The following TANGO6 variants were observed in gnomAD, a reference collection of about 807,000 sequenced individuals.
The protein encoded by TANGO6 is transport and Golgi organization protein 6 homolog.
A neutral mutation model predicts 114.2 loss-of-function variants in TANGO6; 90 were observed. That is an observed-to-expected ratio of 0.79 (90% CI 0.66 to 0.94). The LOEUF is 0.94. Among genes scored for constraint, TANGO6 ranks in the 40% least tolerant of loss-of-function variants. TANGO6 has a pLI of 0.00. For missense variants in TANGO6, 1,274 were observed against 1,315.3 expected (o/e 0.97, Z 0.49); for synonymous variants, 477 against 509.8 (o/e 0.94, Z 0.87).
chr16:68,853,195 T>C (rs903651379), intron 1 of TANGO6, among the ~76,000 whole-genome samples: 9 of 151,630 alleles, frequency 5.9e-5, no homozygotes, highest in African/African-American at 2.2e-4. Context: ...TGAGAATCAC[T>C]TGAACCCAGG....
At chr16:68,942,755 G>C (rs1354574692) in intron 14 of TANGO6, among the ~76,000 whole-genome samples, 1 of 152,164 alleles carries the variant, frequency 6.6e-6, no homozygotes, top group African/African-American at 2.4e-5. Flanking sequence ...AGTTGAAGGA[G>C]AGAGTTATCA....
Position 68,843,547 on chromosome 16 carries a change from C to T in TANGO6, c.-71C>T. 9 of 1,489,706 alleles carry T rather than the reference C, an allele frequency of 6.0e-6. No individual in the cohort carries two copies. Among genetic ancestry groups the T allele is most frequent in the Non-Finnish European group, 7.4e-6 (8 of 1,078,822 alleles). The allele number at this position is 1,489,706 out of a possible 1,614,324, so 92.3% of individuals were successfully genotyped here. A position where few individuals can be genotyped will look rare whatever the true frequency, so the allele number is the denominator to read the frequency against. On this transcript the variant is annotated 5_prime_UTR_variant, in exon 1 of 18. Transcript: ENST00000261778. ...AGTGTGCCCAGAGCCTTCTGCCACA[C>T]TTAACATGGCGGCGGCGGCGCCCTG...
At chr16:68,862,030 T>A (rs75022910) in intron 2 of TANGO6, among the ~76,000 whole-genome samples, 21,119 of 151,754 alleles carry the variant, frequency 0.14, 2,088 homozygotes, top group African/African-American at 0.28. Flanking sequence ...TTAATTTTTT[T>A]TTTATTTTTA....
At chr16:68,939,618 T>C (rs1216495664) in intron 14 of TANGO6, among the ~76,000 whole-genome samples, 1 of 151,750 alleles carries the variant, frequency 6.6e-6, no homozygotes, top group East Asian at 1.9e-4. Context: ...GGATATTTTA[T>C]TCTAGGAAAC....
chr16:68,920,612 T>C (rs1735134823), intron 12 of TANGO6, among the ~76,000 whole-genome samples: 1 of 152,066 alleles, frequency 6.6e-6, no homozygotes, highest in Non-Finnish European at 1.5e-5. Flanking sequence ...TAGCAATGAG[T>C]AGGATACCCT....
chr16:68,867,372 G>GT, intron 4 of TANGO6, 152 bp downstream of exon 4: 4 of 894,842 alleles, frequency 4.5e-6, no homozygotes, highest in Non-Finnish European at 5.1e-6. Flanking sequence ...CTTAGAGGCC[G>GT]TTAATGAGCT....
chr16:68,953,827 A>G (rs533331337), intron 14 of TANGO6, among the ~76,000 whole-genome samples: 1 of 152,298 alleles, frequency 6.6e-6, no homozygotes, highest in East Asian at 1.9e-4. Context: ...AAACCATGAA[A>G]TTAAGATGTA....
At position 68,862,972 on chromosome 16, in the gene TANGO6, T is replaced by C. The variant is rs2152158856; in HGVS notation, c.763T>C (p.Ser255Pro). The C allele has an allele frequency of 6.3e-7, 1 of 1,598,762 alleles. No homozygotes were observed. Among genetic ancestry groups the C allele is most frequent in the Non-Finnish European group, 8.5e-7 (1 of 1,172,766 alleles). The change falls in exon 3 of 18, where the codon TCC becomes CCC. Residue 255 changes from serine to proline, a missense_variant. By Grantham distance (74) the Ser-to-Pro change is moderately conservative. This residue lies in a region of TANGO6 where 908 missense variants were observed against 910.2 expected (regional missense o/e 1.00). Transcript: ENST00000261778. ...TCTAACTGAAGAGGAGAGAACCCTATCCAGGGGGGCCTTGAGAGACATGCT... is the reference window on the plus strand; with the variant it reads ...TCTAACTGAAGAGGAGAGAACCCTACCCAGGGGGGCCTTGAGAGACATGCT... ...EVLTEEERTL[S>P]RGALRDMLDQ...
intron 17 of TANGO6, among the ~76,000 whole-genome samples, chr16:69,054,940 C>CAAAAA (rs35840863): frequency 4.4e-5 from 3 of 68,926 alleles, no homozygotes; most frequent in African/African-American, 1.2e-4. Context: ...GACTCCGTCT[C>CAAAAA]AAAAAAAAAA....
intron 1 of TANGO6, 53 bp from the exon 2 acceptor site, chr16:68,859,831 A>G (rs889598933): frequency 7.3e-5 from 109 of 1,495,230 alleles, no homozygotes; most frequent in Admixed American, 9.8e-5. Context: ...CACAGGGGGA[A>G]GTGCAGCTTG....
chr16:69,070,066 C>T (rs1960274041), intron 17 of TANGO6, among the ~76,000 whole-genome samples: 2 of 141,382 alleles, frequency 1.4e-5, no homozygotes, highest in South Asian at 4.5e-4. Flanking sequence ...AAAAAAAAAG[C>T]TAGGTGTGGC....
chr16:69,022,719 A>T (rs1959428572), intron 15 of TANGO6, 109 bp from the exon 16 acceptor site: 1 of 1,285,840 alleles, frequency 7.8e-7, no homozygotes. Context: ...AAAAATAAAA[A>T]CAAAAAGAAT....
intron 15 of TANGO6, among the ~76,000 whole-genome samples, chr16:69,018,139 C>CTTTCTTTTTTT (rs1959335225): frequency 1.4e-4 from 11 of 77,078 alleles, no homozygotes; most frequent in African/African-American, 5.1e-4. Context: ...TTGGAAATCT[C>CTTTCTTTTTTT]TTTTTTTTTT....
chr16:68,876,672 T>C (rs373255215), intron 5 of TANGO6, among the ~76,000 whole-genome samples: 4 of 151,902 alleles, frequency 2.6e-5, no homozygotes, highest in African/African-American at 7.2e-5. Flanking sequence ...AATACAAAAA[T>C]TGGCCAAGCG....
chr16:69,062,047 G>C (rs901719110), intron 17 of TANGO6, among the ~76,000 whole-genome samples: 2 of 151,984 alleles, frequency 1.3e-5, no homozygotes, highest in Non-Finnish European at 2.9e-5. Context: ...AATGCATTTC[G>C]GTAGCCTGTG....
At chr16:68,922,708 T>C (rs1449845687) in intron 12 of TANGO6, among the ~76,000 whole-genome samples, 2 of 152,164 alleles carry the variant, frequency 1.3e-5, no homozygotes, top group Non-Finnish European at 1.5e-5. Context: ...GTATTGTCCA[T>C]TGGTCTCTAA....
At chr16:68,996,155 AG>A (rs1963987553) in intron 15 of TANGO6, among the ~76,000 whole-genome samples, 1 of 152,200 alleles carries the variant, frequency 6.6e-6, no homozygotes, top group South Asian at 2.1e-4. Context: ...CCAGAGCTGC[AG>A]GGGAAATTCA....
chr16:68,864,174 CA>C (rs11393218), intron 3 of TANGO6, among the ~76,000 whole-genome samples: 111 of 135,060 alleles, frequency 8.2e-4, no homozygotes, highest in East Asian at 1.9e-3. Context: ...AACTCCGTCT[CA>C]AAAAAAAAAA....
chr16:69,015,601 C>T (rs1467585122), intron 15 of TANGO6, among the ~76,000 whole-genome samples: 1 of 151,988 alleles, frequency 6.6e-6, no homozygotes, highest in Non-Finnish European at 1.5e-5. Flanking sequence ...CCTGCCTCAG[C>T]TTCCCGAGTA....
Sources: gnomAD v4.1 joint callset for allele counts (sites outside exome capture counted in the v4.1 genomes callset) on GRCh38, gnomAD v4.1.1 for gene constraint, gnomAD v4.1.1 regional missense constraint, MANE v1.5 for transcripts, NCBI Gene and HGNC (gene_info 2026-07-23, HGNC 2026-07-21) for gene names.